Variants in LSM14B observed in about 807,000 individuals in gnomAD.
LSM14B encodes the protein LSM family member 14B, also known as protein LSM14 homolog B.
In LSM14B, 8 loss-of-function variants were observed where a neutral mutation model predicts 42.1. The ratio of observed to expected loss-of-function variants is 0.19; its 90% CI spans 0.11 to 0.34. The LOEUF (loss-of-function observed/expected upper bound fraction) is 0.34. Among genes scored for constraint, LSM14B ranks in the 10% least tolerant of loss-of-function variants. The pLI, the probability that LSM14B is intolerant of heterozygous loss-of-function variation, is 1.00. For missense variants in LSM14B, 396 were observed against 513.1 expected, an observed-to-expected ratio of 0.77 and a Z score of 2.21; for synonymous variants, 219 against 209.7, an observed-to-expected ratio of 1.04 and a Z score of -0.38.
rs373041672 is a variant in LSM14B, at chr20:62,130,551, G to A, written c.695G>A (p.Arg232His). 31 of 1,613,672 alleles carry A rather than the reference G, an allele frequency of 1.9e-5. No individual in the cohort carries two copies. The highest frequency in any genetic ancestry group is 5.3e-5 in the African/African-American group (4 of 74,946). Residue 232 changes from arginine (R) to histidine (H), a missense_variant, in exon 6 of 9, where the codon CGC (arginine) becomes CAC (histidine). By Grantham distance (29) the Arg-to-His change is conservative (BLOSUM62 0). This residue lies in a region of LSM14B where 274 missense variants were observed against 335.8 expected (regional missense o/e 0.82). Coordinates refer to ENST00000279068, the MANE Select transcript of LSM14B (RefSeq NM_144703.3). This position sits in a 1 kb window ranked among gnomAD's most constrained non-coding sequence, Gnocchi z 4.1. ...ACAGGAAACAGGCGAACAAGGAATCGCTCCAGAGGGCAAAACCGTCCAACT... is the reference window on the plus strand; with the variant it reads ...ACAGGAAACAGGCGAACAAGGAATCACTCCAGAGGGCAAAACCGTCCAACT... ...RRSGNRRTRN[R>H]SRGQNRPTNV...
chr20:62,132,292 T>C (rs951839576), intron 7 of LSM14B, among the ~76,000 whole-genome samples: 1 of 152,036 alleles, frequency 6.6e-6, no homozygotes, highest in African/African-American at 2.4e-5. Context: ...ACAGGCCGAG[T>C]CTGGGGGATG....
chr20:62,125,310 G>A (rs1376661388), intron 2 of LSM14B, among the ~76,000 whole-genome samples: 5 of 152,232 alleles, frequency 3.3e-5, no homozygotes, highest in Admixed American at 6.5e-5. Context: ...TAAGGAAGGC[G>A]ACCTGGGGAG....
At position 62,124,793 on chromosome 20, in the gene LSM14B, C is replaced by T; in HGVS notation, c.291+13C>T. On this transcript the variant is annotated intron_variant, in intron 2 of 8. Coordinates refer to ENST00000279068, the MANE Select transcript of LSM14B (RefSeq NM_144703.3). The stretch of plus-strand genomic sequence containing the variant: ...CGCCATTGTTCAGGTAAGTGTGCCA[C>T]TGTCCCTCTGTGCATGCTGTAGGAG... The T allele has an allele frequency of 1.2e-6, 2 of 1,608,544 alleles. No homozygotes were observed. Among genetic ancestry groups the T allele is most frequent in the Non-Finnish European group, 1.7e-6 (2 of 1,176,748 alleles).
rs1261160337 is a variant in LSM14B at position 62,131,515 on chromosome 20, CTGAA to C, written c.986+17_986+20del. On this transcript the variant is annotated intron_variant, in intron 7 of 8. Transcript: ENST00000279068. ...TCTGAACTCAAGACCAGGTGAGAGGCTGAATGAATGAGGGGAGGACAGTCCTCCA... is the reference window on the plus strand; with the variant it reads ...TCTGAACTCAAGACCAGGTGAGAGGCTGAATGAGGGGAGGACAGTCCTCCA... 8 of 1,611,870 alleles carry C rather than the reference CTGAA, an allele frequency of 5.0e-6. No individual in the cohort carries two copies. In the African/African-American group the frequency reaches 6.7e-5, roughly 13 times the overall value.
intron 1 of LSM14B, chr20:62,123,125 G>A (rs1324093800): frequency 6.4e-6 from 1 of 155,800 alleles, no homozygotes; most frequent in African/African-American, 2.4e-5. Context: ...CGGCCGCCCA[G>A]CCCACCTCTG....
chr20:62,133,268 C>T (rs768722583), intron 7 of LSM14B, 22 bp from the exon 8 acceptor site: 20 of 1,610,526 alleles, frequency 1.2e-5, no homozygotes. Flanking sequence ...CTGCTACAAT[C>T]AGCATTTCCT....
chr20:62,129,091 C>A, intron 3 of LSM14B: 1 of 1,060,610 alleles, frequency 9.4e-7, no homozygotes. Flanking sequence ...GAGGGTTCAT[C>A]CCCTGTGCGT....
chr20:62,127,458 C>T (rs1356309165), intron 3 of LSM14B: 7 of 669,776 alleles, frequency 1.0e-5, no homozygotes, highest in Admixed American at 1.0e-4. Context: ...GTTTCTAAAA[C>T]GTGTTTGTAT....
At chr20:62,128,624 A>T (rs2056673670) in intron 3 of LSM14B, among the ~76,000 whole-genome samples, 1 of 152,204 alleles carries the variant, frequency 6.6e-6, no homozygotes, top group African/African-American at 2.4e-5. Context: ...CCCCTTATCC[A>T]TGCCCCTGCA....
At position 62,126,394 on chromosome 20, in the gene LSM14B, G is replaced by A; in HGVS notation, c.382G>A (p.Ala128Thr). The A allele has an allele frequency of 6.2e-7, 1 of 1,611,648 alleles. No homozygotes were observed. Among genetic ancestry groups the A allele is most frequent in the African/African-American group, 1.3e-5 (1 of 75,042 alleles). ...RGMAPYGPLA[A>T]SSLLSQQYAA... ...GATGGCGCCCTACGGCCCGCTGGCG[G>A]CCAGCTCCCTGCTCAGCCAGCAGTA... The change falls in exon 3 of 9, where the codon GCC becomes ACC. Residue 128 changes from alanine to threonine, a missense_variant. This residue lies in a region of LSM14B where 274 missense variants were observed against 335.8 expected (regional missense o/e 0.82). Coordinates refer to ENST00000279068, the MANE Select transcript of LSM14B (RefSeq NM_144703.3).
In LSM14B at chr20:62,130,073, G is replaced by A. The variant is rs1034958998; in HGVS notation, c.595+121G>A. On this transcript the variant is annotated intron_variant, in intron 4 of 8. Coordinates refer to ENST00000279068, the MANE Select transcript of LSM14B (RefSeq NM_144703.3). The surrounding 1 kb of genome is among the most constrained non-coding windows in gnomAD (Gnocchi z 4.1). ...TACTCCCCCATCCTAAGCCCCATGT[G>A]CTTTTGCAGGGCAGGCCTGTGCAGC... 2.1e-6 allele frequency: 3 copies of A among 1,418,334 alleles called. No homozygotes were observed. The highest frequency in any genetic ancestry group is 2.9e-5 in the African/African-American group (2 of 69,076). 87.9% of individuals were successfully genotyped at this position (1,418,334 alleles called of 1,614,324 possible).
chr20:62,123,648 AGCCACGTCT>A (rs1249610069), intron 1 of LSM14B, among the ~76,000 whole-genome samples: 3 of 152,322 alleles, frequency 2.0e-5, no homozygotes, highest in African/African-American at 7.2e-5. Context: ...GTGCCCGTGG[AGCCACGTCT>A]GCCTAAGCCC....
At chr20:62,128,105 C>G (rs949133815) in intron 3 of LSM14B, 4 of 456,520 alleles carry the variant, frequency 8.8e-6, no homozygotes, top group African/African-American at 5.9e-5. Context: ...GTTCATAGAT[C>G]ACTCATTGAG....
chr20:62,130,012 C>A lies in LSM14B; in HGVS notation c.595+60C>A. On this transcript the variant is annotated intron_variant, in intron 4 of 8. Transcript: ENST00000279068. The surrounding 1 kb of genome is among the most constrained non-coding windows in gnomAD (Gnocchi z 4.1). Reference sequence around the variant, plus strand: ...ATGTTCTAAAAGTGGCACACTACTTCCTGGGCTATTTTTTTTTTTTTAATT... The same window carrying A: ...ATGTTCTAAAAGTGGCACACTACTTACTGGGCTATTTTTTTTTTTTTAATT... 3 of 1,495,032 alleles carry A rather than the reference C, an allele frequency of 2.0e-6. No individual in the cohort carries two copies. Among genetic ancestry groups the A allele is most frequent in the Non-Finnish European group, 2.7e-6 (3 of 1,121,108 alleles). 92.6% of individuals were successfully genotyped at this position (1,495,032 alleles called of 1,614,324 possible).
chr20:62,125,527 A>G (rs938341381), intron 2 of LSM14B, among the ~76,000 whole-genome samples: 1 of 152,356 alleles, frequency 6.6e-6, no homozygotes, highest in Non-Finnish European at 1.5e-5. Flanking sequence ...GCTGTTATAC[A>G]ACACCAGATT....
rs2145628268 is a variant in LSM14B at position 62,130,370 on chromosome 20, T to C, written c.673+74T>C. 1 of 1,541,914 alleles carries C rather than the reference T, an allele frequency of 6.5e-7. No individual in the cohort carries two copies. The highest frequency in any genetic ancestry group is 1.4e-5 in the African/African-American group (1 of 73,124). On this transcript the variant is annotated intron_variant, in intron 5 of 8. Coordinates refer to ENST00000279068, the MANE Select transcript of LSM14B (RefSeq NM_144703.3). This position sits in a 1 kb window ranked among gnomAD's most constrained non-coding sequence, Gnocchi z 4.1. ...GAGCTCTGCTTGCCCTCCTGCCTGC[T>C]TCTCTGGTTGACGGTTTCAGGGGTG...
At chr20:62,125,457 G>A (rs553516685) in intron 2 of LSM14B, among the ~76,000 whole-genome samples, 1 of 152,338 alleles carries the variant, frequency 6.6e-6, no homozygotes, top group Non-Finnish European at 1.5e-5. Flanking sequence ...TGTGAGTGGC[G>A]TGACCTACCT....
At position 62,129,059 on chromosome 20, in the gene LSM14B, T is replaced by C. The variant is rs1466332318; in HGVS notation, c.428-726T>C. 3 of 1,248,766 alleles carry C rather than the reference T, an allele frequency of 2.4e-6. No homozygotes were observed. In the African/African-American group the frequency reaches 4.6e-5, roughly 19 times the overall value. 77.4% of individuals were successfully genotyped at this position (1,248,766 alleles called of 1,614,324 possible). On this transcript the variant is annotated intron_variant, in intron 3 of 8. Transcript: ENST00000279068. Reference sequence around the variant, plus strand: ...TGGGTGGTGCTTCCCATTTTCCTCCTGATTCAGAGGGCCTGGTTTCTGAGG... The same window carrying C: ...TGGGTGGTGCTTCCCATTTTCCTCCCGATTCAGAGGGCCTGGTTTCTGAGG...
intron 3 of LSM14B, chr20:62,128,047 G>T: frequency 3.5e-6 from 2 of 567,828 alleles, no homozygotes; most frequent in Admixed American, 3.1e-5. Flanking sequence ...CTGCAGGGGG[G>T]ACTCCCCAAA....
Sources: gnomAD v4.1 joint callset for allele counts (sites outside exome capture counted in the v4.1 genomes callset) on GRCh38, gnomAD v4.1.1 for gene constraint, gnomAD v4.1.1 regional missense constraint, Gnocchi (gnomAD v3.1) non-coding constraint, MANE v1.5 for transcripts, NCBI Gene and HGNC (gene_info 2026-07-23, HGNC 2026-07-21) for gene names.